Variants in CYB5R4 observed in about 807,000 individuals in gnomAD.
CYB5R4 encodes the protein cytochrome b5 reductase 4.
Under a neutral mutation model 70.2 loss-of-function variants are expected in CYB5R4, and 55 were observed. The observed-to-expected ratio is 0.78, with a 90% CI of 0.63 to 0.98. The LOEUF is 0.98. Ranked by LOEUF, CYB5R4 falls within the 50% of genes least tolerant of loss-of-function variation. CYB5R4 has a pLI of 0.00. For synonymous variants in CYB5R4, 197 were observed against 199.5 expected (o/e 0.99, Z 0.11); for missense variants, 562 against 612.6 (o/e 0.92, Z 0.87).
chr6:83,949,595 TATAA>T (rs1273273608), intron 14 of CYB5R4, among the ~76,000 whole-genome samples: 1 of 152,142 alleles, frequency 6.6e-6, no homozygotes, highest in African/African-American at 2.4e-5. Flanking sequence ...CTACTGTCTA[TATAA>T]TTAGGTCCCA....
At chr6:83,886,112 T>C (rs1188800438) in intron 2 of CYB5R4, among the ~76,000 whole-genome samples, 1 of 152,182 alleles carries the variant, frequency 6.6e-6, no homozygotes, top group African/African-American at 2.4e-5. Context: ...GAGAGCCTTC[T>C]TGCTAGTGGG....
At chr6:83,933,150 C>T (rs984984472) in intron 10 of CYB5R4, among the ~76,000 whole-genome samples, 1 of 152,150 alleles carries the variant, frequency 6.6e-6, no homozygotes, top group Admixed American at 6.5e-5. Flanking sequence ...TGTCCTTTGA[C>T]CCTTTGGTTA....
At chr6:83,953,484 C>CA (rs796096635) in intron 14 of CYB5R4, among the ~76,000 whole-genome samples, 170 of 149,966 alleles carry the variant, frequency 1.1e-3, no homozygotes, top group African/African-American at 3.9e-3. Context: ...AAACAAAAAA[C>CA]AAAAAAAACA....
At position 83,932,963 on chromosome 6, in the gene CYB5R4, C is replaced by A. The variant is rs573139539; in HGVS notation, c.815-1632C>A. Among the ~76,000 whole-genome samples the A allele has an allele frequency of 2.0e-5, 3 of 152,196 alleles. No homozygotes were observed. The South Asian group carries it at 6.2e-4, about 32-fold the overall frequency. On this transcript the variant is annotated intron_variant, in intron 10 of 15. Coordinates refer to ENST00000369681, the MANE Select transcript of CYB5R4 (RefSeq NM_016230.4). ...TAGGACCTTGTAAAGGTATATATTCCAAGATGTAGCATAGAACATACTTTG... is the reference window on the plus strand; with the variant it reads ...TAGGACCTTGTAAAGGTATATATTCAAAGATGTAGCATAGAACATACTTTG...
chr6:83,885,305 G>C lies in CYB5R4; in HGVS notation c.230-8217G>C, dbSNP rs180750831. Among the ~76,000 whole-genome samples the C allele has an allele frequency of 3.6e-3, 552 of 152,178 alleles. 1 individual carries two copies. Among genetic ancestry groups the C allele is most frequent in the African/African-American group, 0.012 (516 of 41,530 alleles). Reference sequence around the variant, plus strand: ...TTGTGAAAGAATGAGAATAGAAAAAGACAAATAACATCTTGGTATTACTAT... The same window carrying C: ...TTGTGAAAGAATGAGAATAGAAAAACACAAATAACATCTTGGTATTACTAT... On this transcript the variant is annotated intron_variant, in intron 2 of 15. Transcript: ENST00000369681.
chr6:83,945,605 A>T (rs1025933532), intron 14 of CYB5R4, among the ~76,000 whole-genome samples: 1 of 152,116 alleles, frequency 6.6e-6, no homozygotes. Context: ...GACATGAAAA[A>T]CCCTTCAAAA....
intron 2 of CYB5R4, among the ~76,000 whole-genome samples, chr6:83,871,063 G>T (rs991977795): frequency 1.5e-5 from 2 of 137,232 alleles, no homozygotes; most frequent in African/African-American, 5.6e-5. Flanking sequence ...TGCAACCTCC[G>T]TCTCCCGGGT....
chr6:83,928,175 A>G (rs534857097), intron 10 of CYB5R4, among the ~76,000 whole-genome samples: 3 of 152,186 alleles, frequency 2.0e-5, no homozygotes, highest in Non-Finnish European at 4.4e-5. Context: ...ACAATTACGA[A>G]AATATATTTG....
intron 15 of CYB5R4, among the ~76,000 whole-genome samples, chr6:83,958,924 A>G (rs888160200): frequency 6.6e-6 from 1 of 152,144 alleles, no homozygotes; most frequent in African/African-American, 2.4e-5. Flanking sequence ...TTATTATACT[A>G]TTTTCCTAGT....
intron 4 of CYB5R4, among the ~76,000 whole-genome samples, chr6:83,909,600 G>A (rs1013887911): frequency 6.6e-6 from 1 of 152,172 alleles, no homozygotes; most frequent in Non-Finnish European, 1.5e-5. Flanking sequence ...ACTGAGGCTT[G>A]TAGGTATTGT....
At chr6:83,881,097 G>A (rs1346700973) in intron 2 of CYB5R4, among the ~76,000 whole-genome samples, 1 of 152,154 alleles carries the variant, frequency 6.6e-6, no homozygotes, top group Non-Finnish European at 1.5e-5. Context: ...CATAGGGTTG[G>A]GTAAGAGGGT....
chr6:83,881,236 G>A (rs773156493), intron 2 of CYB5R4, among the ~76,000 whole-genome samples: 32 of 151,708 alleles, frequency 2.1e-4, no homozygotes, highest in Non-Finnish European at 3.8e-4. Flanking sequence ...GTGCAGTGGT[G>A]CAGTACCAGC....
At chr6:83,945,220 T>G (rs1473100440) in intron 14 of CYB5R4, among the ~76,000 whole-genome samples, 1 of 151,316 alleles carries the variant, frequency 6.6e-6, no homozygotes, top group Non-Finnish European at 1.5e-5. Context: ...ATCATAACGG[T>G]CTCCCAGACC....
intron 2 of CYB5R4, among the ~76,000 whole-genome samples, chr6:83,871,854 G>C (rs984445764): frequency 6.6e-6 from 1 of 151,494 alleles, no homozygotes; most frequent in African/African-American, 2.4e-5. Context: ...CATTCCTGGT[G>C]TTGCTAATTT....
chr6:83,892,128 G>A (rs2099461209), intron 2 of CYB5R4, among the ~76,000 whole-genome samples: 1 of 152,054 alleles, frequency 6.6e-6, no homozygotes, highest in Non-Finnish European at 1.5e-5. Flanking sequence ...CTAGGCATAT[G>A]GGGAAGGAAA....
intron 9 of CYB5R4, 68 bp downstream of exon 9, chr6:83,922,538 C>T (rs1206911954): frequency 1.3e-5 from 14 of 1,119,810 alleles, no homozygotes; most frequent in Admixed American, 2.2e-5. Context: ...GAGAGAGATA[C>T]GAAAAAATTG....
chr6:83,894,278 G>A (rs1328922192), intron 3 of CYB5R4, among the ~76,000 whole-genome samples: 1 of 152,066 alleles, frequency 6.6e-6, no homozygotes, highest in Non-Finnish European at 1.5e-5. Flanking sequence ...AGTATTCTGA[G>A]ACAACAGTCT....
At chr6:83,935,377 G>A (rs1461961555) in intron 11 of CYB5R4, among the ~76,000 whole-genome samples, 1 of 152,066 alleles carries the variant, frequency 6.6e-6, no homozygotes, top group Non-Finnish European at 1.5e-5. Context: ...GGTCTCAGAA[G>A]ATATGATATA....
At chr6:83,920,965 G>T in intron 7 of CYB5R4, 117 bp from the exon 8 acceptor site, 1 of 688,118 alleles carries the variant, frequency 1.5e-6, no homozygotes, top group Non-Finnish European at 2.1e-6. Context: ...TGTTTAGCTT[G>T]GAGGTTCAAT....
Sources: allele counts gnomAD v4.1 joint callset (sites outside exome capture counted in the v4.1 genomes callset), GRCh38; gene constraint gnomAD v4.1.1; transcripts MANE v1.5; gene names NCBI Gene and HGNC (gene_info 2026-07-23, HGNC 2026-07-21).